BDNF: variants seen among roughly 807,000 people sequenced by gnomAD.
BDNF encodes the protein neurotrophic factor BDNF precursor form.
BDNF carries 1 observed loss-of-function variant against 19.5 expected under a neutral mutation model. The observed-to-expected ratio is 0.05, with a 90% CI of 0.02 to 0.24. BDNF has a LOEUF of 0.24. BDNF is among the 10% of genes least tolerant of loss of function. The probability of loss-of-function intolerance (pLI) is 1.00; values close to 1 mark genes in which losing one functional copy is unlikely to be tolerated. For synonymous variants in BDNF, 100 were observed against 121.6 expected (o/e 0.82, Z 1.17); for missense variants, 195 against 317.6 (o/e 0.61, Z 2.93).
At chr11:27,697,266 G>A (rs183899400) in intron 1 of BDNF, among the ~76,000 whole-genome samples, 2 of 152,246 alleles carry the variant, frequency 1.3e-5, no homozygotes, top group East Asian at 3.9e-4. Flanking sequence ...TCAGGTGGGC[G>A]TGCCCAGCTC....
At chr11:27,702,415 A>G (rs1217214035), upstream of BDNF, among the ~76,000 whole-genome samples, 1 of 152,188 alleles carries the variant, frequency 6.6e-6, no homozygotes, top group Non-Finnish European at 1.5e-5. Flanking sequence ...TGGGGGTACA[A>G]CACTGGGTAT....
intron 1 of BDNF, among the ~76,000 whole-genome samples, chr11:27,716,268 A>AC (rs140145740): frequency 1.2e-3 from 186 of 152,218 alleles, no homozygotes; most frequent in African/African-American, 4.3e-3. Context: ...TTTCTTTAAG[A>AC]CCTCTATTTC....
intron 1 of BDNF, among the ~76,000 whole-genome samples, chr11:27,706,392 T>G (rs1027834941): frequency 1.3e-5 from 2 of 152,214 alleles, no homozygotes; most frequent in African/African-American, 4.8e-5. Context: ...TGGGGAGCTA[T>G]CTAGAATCCA....
Position 27,656,852 on chromosome 11 carries a change from G to A in BDNF, c.*969C>T. On this transcript the variant is annotated 3_prime_UTR_variant, in exon 2 of 2. Coordinates refer to ENST00000356660, the MANE Select transcript of BDNF (RefSeq NM_001709.5). The stretch of plus-strand genomic sequence containing the variant: ...TTCTCCATGCTTATACGAGTGTCAT[G>A]ATGTGACACAATGTGTTCACTTGTT... 3.0e-6 allele frequency: 3 copies of A among 985,192 alleles called. No individual in the cohort carries two copies. Among genetic ancestry groups the A allele is most frequent in the Non-Finnish European group, 3.6e-6 (3 of 829,858 alleles). The allele number at this position is 985,192 out of a possible 1,614,324, so 61.0% of individuals were successfully genotyped here.
chr11:27,701,644 G>C (rs777521835), upstream of BDNF: 71 of 985,386 alleles, frequency 7.2e-5, no homozygotes, highest in Non-Finnish European at 8.2e-5. Context: ...GGGAGTCCAC[G>C]AGAGGGCTCC....
rs1852578633 is a variant in BDNF at position 27,656,611 on chromosome 11, C to G, written c.*1210G>C. 1.0e-6 allele frequency: 1 copy of G among 985,688 alleles called. No individual in the cohort carries two copies. Among genetic ancestry groups the G allele is most frequent in the African/African-American group, 1.7e-5 (1 of 57,216 alleles). 61.1% of individuals were successfully genotyped at this position (985,688 alleles called of 1,614,324 possible). On this transcript the variant is annotated 3_prime_UTR_variant, in exon 2 of 2. Transcript: ENST00000356660. ...TCCACATAGCCTCCATTTGGCTGTTCAGTCTCATGTCACTGGCAATGTGGA... is the reference window on the plus strand; with the variant it reads ...TCCACATAGCCTCCATTTGGCTGTTGAGTCTCATGTCACTGGCAATGTGGA...
intron 1 of BDNF, chr11:27,720,771 C>T: frequency 1.0e-6 from 1 of 986,426 alleles, no homozygotes; most frequent in Non-Finnish European, 1.2e-6. Flanking sequence ...TTAAGTGATA[C>T]TTGATATTGC....
In BDNF at chr11:27,658,596, A is replaced by T; in HGVS notation, c.-21-11T>A. On this transcript the variant is annotated splice_polypyrimidine_tract_variant and intron_variant, in intron 1 of 1. Transcript: ENST00000356660. This position sits in a 1 kb window ranked among gnomAD's most constrained non-coding sequence, Gnocchi z 5.7. ...TCTCACCTGGTGGAACTGTAGGGAG[A>T]AAGCAGAAACAAGACAGAAAACTGG... 1 of 1,614,234 alleles carries T rather than the reference A, an allele frequency of 6.2e-7. No homozygotes were observed. The highest frequency in any genetic ancestry group is 8.5e-7 in the Non-Finnish European group (1 of 1,180,046).
chr11:27,688,955 A>C (rs190370192), intron 1 of BDNF, among the ~76,000 whole-genome samples: 1 of 152,338 alleles, frequency 6.6e-6, no homozygotes, highest in Non-Finnish European at 1.5e-5. Flanking sequence ...ATACATCAAA[A>C]GTCATATATT....
At chr11:27,680,558 C>A (rs1171153949) in intron 1 of BDNF, among the ~76,000 whole-genome samples, 1 of 152,280 alleles carries the variant, frequency 6.6e-6, no homozygotes, top group East Asian at 1.9e-4. Flanking sequence ...TGAAATCTTT[C>A]TTTTCCATGA....
intron 1 of BDNF, among the ~76,000 whole-genome samples, chr11:27,714,612 T>C (rs1264475956): frequency 6.6e-6 from 1 of 152,158 alleles, no homozygotes; most frequent in African/African-American, 2.4e-5. Flanking sequence ...TTCAAATATG[T>C]TACTTTGATT....
chr11:27,657,466 T>G lies in BDNF; in HGVS notation c.*355A>C, dbSNP rs988076084. On this transcript the variant is annotated 3_prime_UTR_variant, in exon 2 of 2. Transcript: ENST00000356660. This position sits in a 1 kb window ranked among gnomAD's most constrained non-coding sequence, Gnocchi z 5.0. ...AATTTTTGTTGTGTGTGTGTGTGTT[T>G]TTTTTCTGTTTTCTGAAAGAGGACA... 113 of 1,057,992 alleles carry G rather than the reference T, an allele frequency of 1.1e-4. 1 individual carries two copies. The Middle Eastern group carries it at 2.8e-3, about 26-fold the overall frequency. 65.5% of individuals were successfully genotyped at this position (1,057,992 alleles called of 1,614,324 possible). A position where few individuals can be genotyped will look rare whatever the true frequency, so the allele number is the denominator to read the frequency against.
intron 1 of BDNF, chr11:27,674,468 A>G: frequency 7.1e-7 from 1 of 1,415,124 alleles, no homozygotes; most frequent in Non-Finnish European, 9.2e-7. Flanking sequence ...GGTTCATTTC[A>G]ACAGCACGAG....
rs902829572 is a variant in BDNF at position 27,657,348 on chromosome 11, C to T, written c.*473G>A. On this transcript the variant is annotated 3_prime_UTR_variant, in exon 2 of 2. Transcript: ENST00000356660. This position sits in a 1 kb window ranked among gnomAD's most constrained non-coding sequence, Gnocchi z 5.0. ...CACCTTGACATTGTTTTAATTCCAACGCTATCAGAAGTTAAAAGCAGTAAA... is the reference window on the plus strand; with the variant it reads ...CACCTTGACATTGTTTTAATTCCAATGCTATCAGAAGTTAAAAGCAGTAAA... 21 of 997,118 alleles carry T rather than the reference C, an allele frequency of 2.1e-5. No individual in the cohort carries two copies. Among genetic ancestry groups the T allele is most frequent in the South Asian group, 1.3e-4 (3 of 22,770 alleles). The allele number at this position is 997,118 out of a possible 1,614,324, so 61.8% of individuals were successfully genotyped here.
upstream of BDNF, among the ~76,000 whole-genome samples, chr11:27,704,150 A>G (rs1219093589): frequency 6.6e-6 from 1 of 152,210 alleles, no homozygotes; most frequent in Non-Finnish European, 1.5e-5. Context: ...AAAGTTTCCA[A>G]GTTTATAATC....
chr11:27,700,523 CCCCCCCCCCCGCCCCCCG>C, upstream of BDNF: 1 of 29,938 alleles, frequency 3.3e-5, no homozygotes, highest in East Asian at 0.012. Context: ...CGGCGCCGCC[CCCCCCCCCCCGCCCCCCG>C]CCCCCCGCTC....
chr11:27,709,021 G>A (rs908840662), intron 1 of BDNF, among the ~76,000 whole-genome samples: 2 of 151,612 alleles, frequency 1.3e-5, no homozygotes, highest in Non-Finnish European at 2.9e-5. Context: ...TAGAGACGGA[G>A]TTTCACCATG....
At chr11:27,711,100 A>G (rs919391398) in intron 1 of BDNF, among the ~76,000 whole-genome samples, 7 of 152,330 alleles carry the variant, frequency 4.6e-5, no homozygotes, top group South Asian at 2.1e-4. Context: ...TTGACATTAG[A>G]CAGACCTAGG....
intron 1 of BDNF, among the ~76,000 whole-genome samples, chr11:27,660,799 C>G (rs978934980): frequency 5.3e-5 from 8 of 149,716 alleles, no homozygotes; most frequent in Non-Finnish European, 1.2e-4. Context: ...AATTAATGAA[C>G]TATAGTTTAA....
Sources: gnomAD v4.1 joint callset for allele counts (sites outside exome capture counted in the v4.1 genomes callset) on GRCh38, gnomAD v4.1.1 for gene constraint, Gnocchi (gnomAD v3.1) non-coding constraint, MANE v1.5 for transcripts, NCBI Gene and HGNC (gene_info 2026-07-23, HGNC 2026-07-21) for gene names.